DPYD: variants seen among roughly 807,000 people sequenced by gnomAD.
DPYD encodes the protein dihydropyrimidine dehydrogenase [NADP(+)].
DPYD carries 109 observed loss-of-function variants against 116.2 expected under a neutral mutation model. The ratio of observed to expected loss-of-function variants is 0.94; its 90% CI spans 0.80 to 1.10. The LOEUF is 1.10. Ranked by LOEUF, DPYD falls within the 50% of genes least tolerant of loss-of-function variation. The pLI is 0.00. For synonymous variants in DPYD, 440 were observed against 432.0 expected, an observed-to-expected ratio of 1.02 and a Z score of -0.23; for missense variants, 1,302 against 1,254.5, an observed-to-expected ratio of 1.04 and a Z score of -0.57.
chr1:97,601,778 C>T (rs768472837), intron 8 of DPYD, among the ~76,000 whole-genome samples: 1 of 151,950 alleles, frequency 6.6e-6, no homozygotes, highest in Non-Finnish European at 1.5e-5. Context: ...CCATTTTCTT[C>T]CCGATGTGCT....
chr1:97,552,956 T>C (rs976393202), intron 11 of DPYD, among the ~76,000 whole-genome samples: 18 of 151,966 alleles, frequency 1.2e-4, no homozygotes, highest in Admixed American at 2.0e-4. Context: ...CTGTATATAT[T>C]TTAATACCCA....
intron 18 of DPYD, among the ~76,000 whole-genome samples, chr1:97,303,022 T>G (rs539916685): frequency 6.6e-6 from 1 of 152,088 alleles, no homozygotes; most frequent in East Asian, 1.9e-4. Context: ...TAGAAGAACA[T>G]TCCTGAAATG....
intron 3 of DPYD, among the ~76,000 whole-genome samples, chr1:97,773,102 G>A (rs1055154497): frequency 6.6e-6 from 1 of 152,104 alleles, no homozygotes. Context: ...CTCTAACAAT[G>A]GCTCTGAAAT....
chr1:97,859,800 C>T (rs953571882), intron 2 of DPYD, among the ~76,000 whole-genome samples: 10 of 151,984 alleles, frequency 6.6e-5, no homozygotes, highest in African/African-American at 1.9e-4. Flanking sequence ...CACGTATTTA[C>T]TCATTATAAA....
chr1:97,511,953 T>G (rs1647834047), intron 13 of DPYD, among the ~76,000 whole-genome samples: 1 of 151,964 alleles, frequency 6.6e-6, no homozygotes, highest in South Asian at 2.1e-4. Context: ...CACGTATAGA[T>G]GCACTATAGA....
At chr1:97,117,754 T>C (rs904557378) in intron 20 of DPYD, among the ~76,000 whole-genome samples, 8 of 152,318 alleles carry the variant, frequency 5.3e-5, no homozygotes, top group African/African-American at 1.9e-4. Context: ...GGGAGTTTTC[T>C]GTACCTTTCT....
chr1:97,543,126 T>C (rs1296080556), intron 12 of DPYD, among the ~76,000 whole-genome samples: 1 of 152,160 alleles, frequency 6.6e-6, no homozygotes, highest in Admixed American at 6.5e-5. Context: ...TTATTTTAAG[T>C]AATAATAATA....
At chr1:97,264,167 T>G (rs1032204459) in intron 18 of DPYD, among the ~76,000 whole-genome samples, 59 of 86,696 alleles carry the variant, frequency 6.8e-4, no homozygotes, top group Non-Finnish European at 9.7e-4. Flanking sequence ...ATTCTGTTTT[T>G]TTTTTTTTTT....
At chr1:97,366,971 A>G (rs181207232) in intron 16 of DPYD, among the ~76,000 whole-genome samples, 3 of 152,264 alleles carry the variant, frequency 2.0e-5, no homozygotes, top group African/African-American at 7.2e-5. Flanking sequence ...GTTTTAAAAA[A>G]GTGTCTTCAT....
chr1:97,226,466 T>C (rs1232976715), intron 19 of DPYD, among the ~76,000 whole-genome samples: 1 of 152,128 alleles, frequency 6.6e-6, no homozygotes, highest in African/African-American at 2.4e-5. Flanking sequence ...TACCATATTA[T>C]ATGTAGGAAA....
chr1:97,451,896 C>T (rs1676433548), intron 13 of DPYD, among the ~76,000 whole-genome samples: 1 of 152,078 alleles, frequency 6.6e-6, no homozygotes, highest in African/African-American at 2.4e-5. Context: ...TGCTCTTCAC[C>T]TAAGTAAGTC....
chr1:97,197,351 A>G (rs374824968), intron 19 of DPYD, among the ~76,000 whole-genome samples: 54 of 152,002 alleles, frequency 3.6e-4, no homozygotes, highest in African/African-American at 1.2e-3. Context: ...CTGAGATTCT[A>G]TTTTTTTGTA....
Position 97,470,152 on chromosome 1 carries a change from A to AT in DPYD, c.1741-19930dup, listed in dbSNP as rs759160952. 1.3e-4 allele frequency among the ~76,000 whole-genome samples: 20 copies of AT among 152,266 alleles called. No individual in the cohort carries two copies. In the East Asian group the frequency reaches 3.5e-3, roughly 26 times the overall value. On this transcript the variant is annotated intron_variant, in intron 13 of 22. Transcript: ENST00000370192. ...ACATTCCCCCTGCATTTTTCGAATC[A>AT]TTTTTTTGATATGATGGGGCAGTAT...
chr1:97,545,872 G>A, intron 12 of DPYD: 1 of 1,078,440 alleles, frequency 9.3e-7, no homozygotes, highest in Non-Finnish European at 1.4e-6. Flanking sequence ...TCTTAGACAG[G>A]TTTCTAATCA....
At chr1:97,297,026 C>A (rs2101007570) in intron 18 of DPYD, among the ~76,000 whole-genome samples, 1 of 152,210 alleles carries the variant, frequency 6.6e-6, no homozygotes, top group Non-Finnish European at 1.5e-5. Flanking sequence ...TGCTAAAATT[C>A]TCAGGTCAAC....
At chr1:97,328,882 AC>A (rs1668841139) in intron 16 of DPYD, among the ~76,000 whole-genome samples, 1 of 152,214 alleles carries the variant, frequency 6.6e-6, no homozygotes, top group South Asian at 2.1e-4. Flanking sequence ...ATCAATTATT[AC>A]AGAAAAGTTG....
intron 14 of DPYD, among the ~76,000 whole-genome samples, chr1:97,393,201 T>C (rs1276429086): frequency 6.6e-6 from 1 of 152,046 alleles, no homozygotes; most frequent in African/African-American, 2.4e-5. Context: ...CTTAATCATT[T>C]CTAGCTTTGG....
intron 19 of DPYD, among the ~76,000 whole-genome samples, chr1:97,223,274 C>T (rs1052147768): frequency 3.3e-5 from 5 of 151,888 alleles, no homozygotes; most frequent in South Asian, 2.1e-4. Context: ...AGCGAGTGGC[C>T]GTCATGTGAC....
At chr1:97,918,445 C>T (rs1296735891) in intron 1 of DPYD, among the ~76,000 whole-genome samples, 1 of 152,150 alleles carries the variant, frequency 6.6e-6, no homozygotes, top group Non-Finnish European at 1.5e-5. Context: ...ACAACAACAA[C>T]AATTCTGAGT....
Sources: allele counts gnomAD v4.1 joint callset (sites outside exome capture counted in the v4.1 genomes callset), GRCh38; gene constraint gnomAD v4.1.1; transcripts MANE v1.5; gene names NCBI Gene and HGNC (gene_info 2026-07-23, HGNC 2026-07-21).